Variants in AIG1 observed in about 807,000 individuals in gnomAD.
The protein encoded by AIG1 is androgen induced 1.
In AIG1, 23 loss-of-function variants were observed where a neutral mutation model predicts 31.4. The observed-to-expected ratio is 0.73, with a 90% CI of 0.53 to 1.04. The LOEUF is 1.04. AIG1 is among the 50% of genes least tolerant of loss of function. The pLI, the probability that AIG1 is intolerant of heterozygous loss-of-function variation, is 0.00. For synonymous variants in AIG1, 100 were observed against 110.5 expected (o/e 0.90, Z 0.60); for missense variants, 274 against 295.0 (o/e 0.93, Z 0.52).
chr6:143,198,014 G>T (rs1183524911), intron 3 of AIG1, among the ~76,000 whole-genome samples: 2 of 152,140 alleles, frequency 1.3e-5, no homozygotes, highest in South Asian at 2.1e-4. Flanking sequence ...TTGCTGTTTT[G>T]GAAGAGTCCT....
intron 1 of AIG1, among the ~76,000 whole-genome samples, chr6:143,134,483 C>T (rs1783553693): frequency 6.7e-6 from 1 of 149,988 alleles, no homozygotes; most frequent in Non-Finnish European, 1.5e-5. Flanking sequence ...AATATAACAC[C>T]ATTATTTATC....
chr6:143,193,928 A>G (rs1010786807), intron 3 of AIG1, among the ~76,000 whole-genome samples: 12 of 152,268 alleles, frequency 7.9e-5, no homozygotes, highest in Admixed American at 3.9e-4. Flanking sequence ...CTGATGATTC[A>G]GCAAGAAATA....
chr6:143,188,003 C>CT, intron 3 of AIG1: 4 of 1,135,638 alleles, frequency 3.5e-6, no homozygotes, highest in Non-Finnish European at 4.3e-6. Flanking sequence ...TAATGGAGAA[C>CT]TTTGGCATAC....
At chr6:143,289,341 TTTG>T (rs1797898019) in intron 4 of AIG1, among the ~76,000 whole-genome samples, 1 of 151,920 alleles carries the variant, frequency 6.6e-6, no homozygotes, top group Admixed American at 6.6e-5. Context: ...CCCCAAAGAG[TTTG>T]TTTTGTCAGT....
Position 143,333,347 on chromosome 6 carries a change from G to T in AIG1, c.581G>T (p.Gly194Val). Residue 194 changes from glycine to valine, a missense_variant, in exon 5 of 6, where the codon GGA becomes GTA. Physicochemically the swap from Gly to Val is moderately radical, Grantham distance 109 (BLOSUM62 -3). Coordinates refer to ENST00000357847, the MANE Select transcript of AIG1 (RefSeq NM_016108.4). The surrounding 1 kb of genome is among the most constrained non-coding windows in gnomAD (Gnocchi z 4.6). ...VYPFLEHIGP[G>V]ARIIFFGSTT... ...CCTTTCCTGGAACACATTGGCCCAG[G>T]AGCCAGAATCATCTTCTTTGGGTCT... is the stretch of plus-strand genomic sequence containing the variant. 6.2e-7 allele frequency: 1 copy of T among 1,613,900 alleles called. No homozygotes were observed. The highest frequency in any genetic ancestry group is 8.5e-7 in the Non-Finnish European group (1 of 1,179,894).
intron 3 of AIG1, among the ~76,000 whole-genome samples, chr6:143,231,798 A>G (rs1248521769): frequency 1.3e-5 from 2 of 152,208 alleles, no homozygotes; most frequent in Non-Finnish European, 2.9e-5. Context: ...TAGGCTAATC[A>G]TATTTCAAGG....
chr6:143,331,122 C>T lies in AIG1; in HGVS notation c.516-2160C>T, dbSNP rs921069243. Among the ~76,000 whole-genome samples the T allele has an allele frequency of 2.0e-5, 3 of 152,094 alleles. No homozygotes were observed. The highest frequency in any genetic ancestry group is 4.8e-5 in the African/African-American group (2 of 41,414). On this transcript the variant is annotated intron_variant, in intron 4 of 5. Coordinates refer to ENST00000357847, the MANE Select transcript of AIG1 (RefSeq NM_016108.4). The surrounding 1 kb of genome is among the most constrained non-coding windows in gnomAD (Gnocchi z 4.1). ...TTTCTTTCATTACTACTTCCCTCTACCAAGGAACCTTTGTAGACCTGTTTT... is the reference window on the plus strand; with the variant it reads ...TTTCTTTCATTACTACTTCCCTCTATCAAGGAACCTTTGTAGACCTGTTTT...
intron 1 of AIG1, among the ~76,000 whole-genome samples, chr6:143,105,698 G>C (rs1356884804): frequency 2.6e-5 from 4 of 152,202 alleles, no homozygotes; most frequent in Admixed American, 2.6e-4. Context: ...GAGTAGTCTG[G>C]GTTCTGCCAT....
chr6:143,096,292 G>T (rs1355413840), intron 1 of AIG1, among the ~76,000 whole-genome samples: 1 of 152,168 alleles, frequency 6.6e-6, no homozygotes, highest in East Asian at 1.9e-4. Flanking sequence ...CTACTTTAAT[G>T]AGTACTTAAG....
chr6:143,088,680 A>G (rs1019018113), intron 1 of AIG1, among the ~76,000 whole-genome samples: 5 of 152,162 alleles, frequency 3.3e-5, no homozygotes, highest in Non-Finnish European at 7.4e-5. Flanking sequence ...TCCAATACTC[A>G]TTGGACAGTA....
rs748236931 is a variant in AIG1, at chr6:143,130,835, G to T, written c.142-6000G>T. Among the ~76,000 whole-genome samples, 10 of 152,176 alleles carry T rather than the reference G, an allele frequency of 6.6e-5. No individual in the cohort carries two copies. In the East Asian group the frequency reaches 1.9e-3, roughly 29 times the overall value. On this transcript the variant is annotated intron_variant, in intron 1 of 5. Transcript: ENST00000357847. ...GTTTCATCACCCAGGTATTAGCTTG[G>T]TACCCATTAGTTATTATTCCTAATC...
chr6:143,147,907 T>G (rs972964714), intron 2 of AIG1, among the ~76,000 whole-genome samples: 1 of 152,184 alleles, frequency 6.6e-6, no homozygotes, highest in Non-Finnish European at 1.5e-5. Context: ...GGCACTGTGC[T>G]AAGGGCTATA....
chr6:143,234,127 A>G (rs1296305873), intron 3 of AIG1, among the ~76,000 whole-genome samples: 1 of 152,096 alleles, frequency 6.6e-6, no homozygotes, highest in Non-Finnish European at 1.5e-5. Flanking sequence ...ACCTCTGCCC[A>G]TCTAGGTCGG....
At chr6:143,263,974 A>G (rs1225853031) in intron 3 of AIG1, among the ~76,000 whole-genome samples, 2 of 152,230 alleles carry the variant, frequency 1.3e-5, no homozygotes, top group Non-Finnish European at 2.9e-5. Context: ...ATCGAACTAT[A>G]GTCCTTGTTA....
At chr6:143,150,243 T>A (rs942249832) in intron 2 of AIG1, among the ~76,000 whole-genome samples, 2 of 152,228 alleles carry the variant, frequency 1.3e-5, no homozygotes, top group African/African-American at 4.8e-5. Context: ...AAAGTCCTTC[T>A]GTAATTAATC....
intron 3 of AIG1, among the ~76,000 whole-genome samples, chr6:143,214,599 C>T (rs1440141498): frequency 6.6e-6 from 1 of 152,160 alleles, no homozygotes; most frequent in African/African-American, 2.4e-5. Flanking sequence ...CCAAATCCTC[C>T]TCATTGTGGC....
intron 3 of AIG1, among the ~76,000 whole-genome samples, chr6:143,182,055 T>G (rs576468835): frequency 3.4e-4 from 51 of 152,220 alleles, no homozygotes; most frequent in Non-Finnish European, 5.7e-4. Flanking sequence ...GAGTCTCACT[T>G]TGTTGCACAG....
chr6:143,062,644 C>G (rs781102407), intron 1 of AIG1, among the ~76,000 whole-genome samples: 1 of 152,178 alleles, frequency 6.6e-6, no homozygotes, highest in Non-Finnish European at 1.5e-5. Flanking sequence ...ACTGAATGAG[C>G]TAAATCTGCA....
chr6:143,235,299 C>A (rs1793727914), intron 3 of AIG1, among the ~76,000 whole-genome samples: 1 of 151,964 alleles, frequency 6.6e-6, no homozygotes, highest in Non-Finnish European at 1.5e-5. Flanking sequence ...TTTAGTATTT[C>A]CTTTCATCAT....
Sources: allele counts gnomAD v4.1 joint callset (sites outside exome capture counted in the v4.1 genomes callset), GRCh38; gene constraint gnomAD v4.1.1; non-coding constraint Gnocchi (gnomAD v3.1); transcripts MANE v1.5; gene names NCBI Gene and HGNC (gene_info 2026-07-23, HGNC 2026-07-21).